Variants in NRXN3 observed in about 807,000 individuals in gnomAD.
NRXN3 encodes neurexin 3, also known as neurexin III.
Under a neutral mutation model 137.6 loss-of-function variants are expected in NRXN3, and 32 were observed. The observed-to-expected ratio is 0.23, with a 90% CI of 0.18 to 0.31. NRXN3 has a LOEUF of 0.31. NRXN3 is among the 10% of genes least tolerant of loss of function. The probability of loss-of-function intolerance (pLI) is 1.00; values close to 1 mark genes in which losing one functional copy is unlikely to be tolerated. For missense variants in NRXN3, 1,574 were observed against 2,062.5 expected (o/e 0.76, Z 4.59); for synonymous variants, 798 against 784.5 (o/e 1.02, Z -0.29).
chr14:78,720,107 C>T (rs2098452781), intron 8 of NRXN3, among the ~76,000 whole-genome samples: 1 of 151,798 alleles, frequency 6.6e-6, no homozygotes, highest in Non-Finnish European at 1.5e-5. Context: ...GGGAGGGCTC[C>T]AGGGTTTCTG....
intron 16 of NRXN3, among the ~76,000 whole-genome samples, chr14:79,484,385 C>CTT: frequency 1.3e-5 from 2 of 152,166 alleles, no homozygotes; most frequent in South Asian, 4.2e-4. Flanking sequence ...AAAACGTGCC[C>CTT]AGCTGGTATT....
intron 6 of NRXN3, among the ~76,000 whole-genome samples, chr14:78,703,283 G>C (rs1488964230): frequency 6.6e-6 from 1 of 152,186 alleles, no homozygotes; most frequent in Non-Finnish European, 1.5e-5. Context: ...GGACAGTTTA[G>C]CGGAGGGAGA....
At chr14:78,737,926 T>C (rs1393959665) in intron 8 of NRXN3, among the ~76,000 whole-genome samples, 1 of 152,162 alleles carries the variant, frequency 6.6e-6, no homozygotes, top group Non-Finnish European at 1.5e-5. Flanking sequence ...TGCTCTGCTC[T>C]GTCTATCACT....
rs371592326 is a variant in NRXN3, at chr14:79,766,566, T to C, written c.4015-38546T>C. ...CTTGTCATCATTGCATTCTGGGGAA[T>C]TGGATTCAATTTAAAAAGTTGAAGC... On this transcript the variant is annotated intron_variant, in intron 19 of 20. Transcript: ENST00000335750. Among the ~76,000 whole-genome samples, 8 of 152,324 alleles carry C rather than the reference T, an allele frequency of 5.3e-5. No homozygotes were observed. The East Asian group carries it at 7.7e-4, about 15-fold the overall frequency.
chr14:79,853,896 A>G (rs902490012), intron 20 of NRXN3: 6 of 992,132 alleles, frequency 6.0e-6, no homozygotes, highest in South Asian at 4.4e-5. Flanking sequence ...TTTTTCAATC[A>G]TAGCAATCGG....
chr14:79,673,439 TGAA>T (rs2098622566), intron 17 of NRXN3, among the ~76,000 whole-genome samples: 1 of 152,124 alleles, frequency 6.6e-6, no homozygotes, highest in Non-Finnish European at 1.5e-5. Context: ...ACTTAAATGC[TGAA>T]GTGTATATCA....
intron 16 of NRXN3, among the ~76,000 whole-genome samples, chr14:79,643,828 T>G (rs2098442952): frequency 4.4e-5 from 6 of 135,586 alleles, no homozygotes; most frequent in Admixed American, 3.9e-4. Context: ...TTCCTTGCTT[T>G]CCCTAGCAGA....
intron 15 of NRXN3, among the ~76,000 whole-genome samples, chr14:79,059,101 C>G (rs2099670381): frequency 6.6e-6 from 1 of 152,078 alleles, no homozygotes; most frequent in Admixed American, 6.6e-5. Context: ...GGAACCTTAC[C>G]AAGTAGATGA....
At chr14:78,493,359 TAA>T (rs11352302) in intron 4 of NRXN3, among the ~76,000 whole-genome samples, 62 of 144,038 alleles carry the variant, frequency 4.3e-4, no homozygotes, top group Admixed American at 6.2e-4. Context: ...CTGTCTCTAT[TAA>T]AAAAAAAAAA....
intron 15 of NRXN3, among the ~76,000 whole-genome samples, chr14:79,314,361 T>G (rs1459582706): frequency 3.2e-5 from 2 of 62,026 alleles, no homozygotes; most frequent in African/African-American, 6.4e-5. Flanking sequence ...TCAGACCGGC[T>G]TAAGAAACGG....
chr14:78,624,042 C>A (rs140091275), intron 4 of NRXN3, among the ~76,000 whole-genome samples: 1 of 152,184 alleles, frequency 6.6e-6, no homozygotes, highest in Non-Finnish European at 1.5e-5. Context: ...AACATGATGA[C>A]TTGATTAGCG....
At chr14:78,953,871 G>T (rs567175426) in intron 10 of NRXN3, among the ~76,000 whole-genome samples, 33 of 152,262 alleles carry the variant, frequency 2.2e-4, no homozygotes, top group African/African-American at 7.7e-4. Flanking sequence ...TATTAAAAAT[G>T]CAGGAAAGTT....
chr14:79,713,617 G>A (rs1404312708), intron 19 of NRXN3, among the ~76,000 whole-genome samples: 4 of 129,140 alleles, frequency 3.1e-5, no homozygotes, highest in Non-Finnish European at 3.3e-5. Context: ...ATATACATAT[G>A]TATGTATATA....
At chr14:78,901,053 C>T (rs11849555) in intron 10 of NRXN3, among the ~76,000 whole-genome samples, 7,514 of 152,048 alleles carry the variant, frequency 0.049, 651 homozygotes, top group East Asian at 0.4. Context: ...TATTCCATCC[C>T]TTTTCTCACC....
intron 8 of NRXN3, among the ~76,000 whole-genome samples, chr14:78,736,515 C>T (rs2098541954): frequency 6.6e-6 from 1 of 152,128 alleles, no homozygotes; most frequent in South Asian, 2.1e-4. Flanking sequence ...GCACAACATG[C>T]TTAAAGGACA....
chr14:78,473,644 A>G (rs1443959171), intron 4 of NRXN3, among the ~76,000 whole-genome samples: 3 of 152,220 alleles, frequency 2.0e-5, no homozygotes, highest in Admixed American at 6.5e-5. Flanking sequence ...TTTATTGTTA[A>G]TACAGTTACT....
At chr14:79,097,995 C>A (rs2050647342) in intron 15 of NRXN3, among the ~76,000 whole-genome samples, 1 of 152,172 alleles carries the variant, frequency 6.6e-6, no homozygotes, top group African/African-American at 2.4e-5. Context: ...GATACCCCAA[C>A]AAAGTGTTTG....
chr14:79,721,656 G>A (rs773585086), intron 19 of NRXN3, among the ~76,000 whole-genome samples: 2 of 152,084 alleles, frequency 1.3e-5, no homozygotes, highest in African/African-American at 2.4e-5. Flanking sequence ...TGACATTATG[G>A]GCTATAGATA....
chr14:79,073,113 C>G (rs982960656), intron 15 of NRXN3, among the ~76,000 whole-genome samples: 4 of 152,106 alleles, frequency 2.6e-5, no homozygotes, highest in Non-Finnish European at 5.9e-5. Flanking sequence ...TCTTGAACTT[C>G]TGACCTCAGG....
Sources: gnomAD v4.1 joint callset for allele counts (sites outside exome capture counted in the v4.1 genomes callset) on GRCh38, gnomAD v4.1.1 for gene constraint, MANE v1.5 for transcripts, NCBI Gene and HGNC (gene_info 2026-07-23, HGNC 2026-07-21) for gene names.